STK33: variants seen among roughly 807,000 people sequenced by gnomAD.
STK33 encodes the protein serine/threonine kinase 33.
STK33 carries 52 observed loss-of-function variants against 58.0 expected under a neutral mutation model. The ratio of observed to expected loss-of-function variants is 0.90; its 90% CI spans 0.72 to 1.13. The LOEUF is 1.13. Among genes scored for constraint, STK33 ranks in the 50% most tolerant of loss-of-function variants. STK33 has a pLI of 0.00. For missense variants in STK33, 630 were observed against 604.2 expected (o/e 1.04, Z -0.45); for synonymous variants, 215 against 200.1 (o/e 1.07, Z -0.63).
intron 15 of STK33, among the ~76,000 whole-genome samples, chr11:8,395,094 GGTTGCAGGTCAAAAACA>G (rs1478355932): frequency 3.9e-5 from 6 of 152,136 alleles, no homozygotes; most frequent in Non-Finnish European, 8.8e-5. Context: ...CATTTCCATT[GGTTGCAGGTCAAAAACA>G]GTCTAATAAT....
In STK33 at chr11:8,474,825, T is replaced by C. The variant is rs1257185619; in HGVS notation, c.81A>G (p.Val27=). 6.2e-7 allele frequency: 1 copy of C among 1,612,770 alleles called. No individual in the cohort carries two copies. The highest frequency in any genetic ancestry group is 8.5e-7 in the Non-Finnish European group (1 of 1,179,598). The part of the protein sequence containing the change: ...SSASQKDVLC[V]CSSKTRVPPV... ...GAGGAACCCTTGTTTTGCTGGAACATACACAAAGTACATCTTTCTGAGAAG... is the reference window on the plus strand; with the variant it reads ...GAGGAACCCTTGTTTTGCTGGAACACACACAAAGTACATCTTTCTGAGAAG... Residue 27 remains valine (V), a synonymous_variant, in exon 5 of 16, where the codon GTA becomes GTG. Coordinates refer to ENST00000687296, the MANE Select transcript of STK33 (RefSeq NM_001352389.2).
chr11:8,515,829 A>G lies in STK33; in HGVS notation c.-465-35215T>C, dbSNP rs573998596. ...AAAACTCTCAACAAACCAGGAATAG[A>G]AGAAAACAATCCCAACGTAATAAAG... On this transcript the variant is annotated intron_variant, in intron 1 of 15. Transcript: ENST00000687296. Among the ~76,000 whole-genome samples the G allele has an allele frequency of 9.7e-4, 148 of 152,328 alleles. 1 individual carries two copies. The highest frequency in any genetic ancestry group is 3.4e-3 in the African/African-American group (141 of 41,582).
chr11:8,352,803 T>C, the STK33 span, among the ~76,000 whole-genome samples: 8 of 152,178 alleles, frequency 5.3e-5, no homozygotes, highest in African/African-American at 1.9e-4. Context: ...AATTAATATG[T>C]TAATAACCAT....
chr11:8,385,154 A>T, the STK33 span, among the ~76,000 whole-genome samples: 1 of 152,228 alleles, frequency 6.6e-6, no homozygotes, highest in East Asian at 1.9e-4. Flanking sequence ...AACATATTTC[A>T]TATCAATCCA....
At chr11:8,456,869 T>A (rs1946919915) in intron 9 of STK33, among the ~76,000 whole-genome samples, 2 of 152,110 alleles carry the variant, frequency 1.3e-5, no homozygotes. Flanking sequence ...ATGCAATATA[T>A]CAATCTAGTG....
At chr11:8,563,473 T>C (rs1957247425) in intron 1 of STK33, among the ~76,000 whole-genome samples, 1 of 152,170 alleles carries the variant, frequency 6.6e-6, no homozygotes, top group South Asian at 2.1e-4. Context: ...CGTAAGTCTG[T>C]AGGTATATGA....
intron 12 of STK33, among the ~76,000 whole-genome samples, chr11:8,439,619 A>G (rs1944465704): frequency 6.6e-6 from 1 of 151,178 alleles, no homozygotes; most frequent in Admixed American, 6.6e-5. Context: ...ATACACACAT[A>G]CCCATACACA....
intron 15 of STK33, among the ~76,000 whole-genome samples, chr11:8,409,102 G>A (rs1939767208): frequency 6.6e-6 from 1 of 152,140 alleles, no homozygotes; most frequent in Admixed American, 6.5e-5. Flanking sequence ...AAATAAATAG[G>A]TCTTTTGAAG....
chr11:8,472,463 G>C (rs149268356), intron 6 of STK33, among the ~76,000 whole-genome samples: 111 of 152,238 alleles, frequency 7.3e-4, no homozygotes, highest in African/African-American at 2.4e-3. Context: ...TTGTGTATCA[G>C]GGACTAGGGA....
intron 15 of STK33, among the ~76,000 whole-genome samples, chr11:8,395,906 T>G (rs1258317014): frequency 6.6e-6 from 1 of 152,238 alleles, no homozygotes; most frequent in African/African-American, 2.4e-5. Flanking sequence ...ATGTATAATC[T>G]TACCAGTAGC....
chr11:8,399,811 C>G (rs1279164853), intron 15 of STK33, among the ~76,000 whole-genome samples: 1 of 152,210 alleles, frequency 6.6e-6, no homozygotes, highest in Non-Finnish European at 1.5e-5. Context: ...CACAGAAATA[C>G]AAACTACCAT....
intron 1 of STK33, among the ~76,000 whole-genome samples, chr11:8,578,196 G>A (rs1958318346): frequency 2.6e-5 from 4 of 152,044 alleles, no homozygotes; most frequent in Non-Finnish European, 5.9e-5. Flanking sequence ...TTTGTACTGG[G>A]AAGAAAAACC....
rs530921638 is a variant in STK33 at position 8,518,386 on chromosome 11, A to T, written c.-465-37772T>A. On this transcript the variant is annotated intron_variant, in intron 1 of 15. Transcript: ENST00000687296. ...CAACCGGTACCAGCCACTGCAAAAAACATGCCAAATTGTAAAGACCATCAA... is the reference window on the plus strand; with the variant it reads ...CAACCGGTACCAGCCACTGCAAAAATCATGCCAAATTGTAAAGACCATCAA... Among the ~76,000 whole-genome samples the T allele has an allele frequency of 4.1e-3, 620 of 152,328 alleles. 5 individuals carry two copies. The highest frequency in any genetic ancestry group is 0.014 in the African/African-American group (593 of 41,574).
intron 12 of STK33, among the ~76,000 whole-genome samples, chr11:8,437,645 C>A (rs997273638): frequency 1.1e-4 from 5 of 47,420 alleles, no homozygotes; most frequent in African/African-American, 2.5e-4. Context: ...TACTAATTTT[C>A]TTTATATTTT....
intron 1 of STK33, among the ~76,000 whole-genome samples, chr11:8,580,494 A>C: frequency 6.8e-6 from 1 of 146,490 alleles, no homozygotes; most frequent in Non-Finnish European, 1.5e-5. Flanking sequence ...GGGAGGGGGA[A>C]GGGGGAGGGG....
intron 15 of STK33, among the ~76,000 whole-genome samples, chr11:8,396,707 T>G (rs1849408454): frequency 6.6e-6 from 1 of 152,182 alleles, no homozygotes; most frequent in Non-Finnish European, 1.5e-5. Flanking sequence ...GAATTCCCTT[T>G]CCTAGTCAAA....
chr11:8,426,290 C>T (rs529214324), intron 14 of STK33, among the ~76,000 whole-genome samples: 8 of 152,322 alleles, frequency 5.3e-5, no homozygotes, highest in African/African-American at 1.4e-4. Flanking sequence ...ATTGTTCTGC[C>T]GGTGGATGGC....
At chr11:8,497,577 C>T (rs1229792153) in intron 1 of STK33, among the ~76,000 whole-genome samples, 1 of 152,080 alleles carries the variant, frequency 6.6e-6, no homozygotes, top group African/African-American at 2.4e-5. Flanking sequence ...CTCAAGTGAT[C>T]CTCCCACCTC....
At chr11:8,513,073 CTT>C (rs1329854326) in intron 1 of STK33, among the ~76,000 whole-genome samples, 1 of 152,158 alleles carries the variant, frequency 6.6e-6, no homozygotes, top group African/African-American at 2.4e-5. Flanking sequence ...AAGCGGCACT[CTT>C]ATGAATAATG....
Sources: gnomAD v4.1 joint callset for allele counts (sites outside exome capture counted in the v4.1 genomes callset) on GRCh38, gnomAD v4.1.1 for gene constraint, MANE v1.5 for transcripts, NCBI Gene and HGNC (gene_info 2026-07-23, HGNC 2026-07-21) for gene names.